SHISA6: variants seen among roughly 807,000 people sequenced by gnomAD.
SHISA6 encodes the protein protein shisa-6.
Under a neutral mutation model 47.9 loss-of-function variants are expected in SHISA6, and 22 were observed. That is an observed-to-expected ratio of 0.46 (90% CI 0.33 to 0.66). SHISA6 has a LOEUF of 0.66. Among genes scored for constraint, SHISA6 ranks in the 30% least tolerant of loss-of-function variants. The probability of loss-of-function intolerance (pLI) is 0.02; values close to 1 mark genes in which losing one functional copy is unlikely to be tolerated. For synonymous variants in SHISA6, 388 were observed against 337.8 expected (o/e 1.15, Z -1.63); for missense variants, 680 against 764.6 (o/e 0.89, Z 1.30).
chr17:11,263,581 G>C lies in SHISA6; in HGVS notation c.799+55G>C, dbSNP rs1011101994. ...TGCTGAGGCTGGTGAGAGGTTTCAGGATGTTTCTGCTCTGGTGGGGCAGGT... is the reference window on the plus strand; with the variant it reads ...TGCTGAGGCTGGTGAGAGGTTTCAGCATGTTTCTGCTCTGGTGGGGCAGGT... On this transcript the variant is annotated intron_variant, in intron 2 of 5. Coordinates refer to ENST00000441885, the MANE Select transcript of SHISA6 (RefSeq NM_207386.4). The C allele has an allele frequency of 1.9e-6, 3 of 1,543,826 alleles. No individual in the cohort carries two copies. The African/African-American group carries it at 4.1e-5, about 21-fold the overall frequency.
chr17:11,365,178 CATT>C (rs985285795), intron 2 of SHISA6, among the ~76,000 whole-genome samples: 2 of 152,032 alleles, frequency 1.3e-5, no homozygotes, highest in Non-Finnish European at 2.9e-5. Flanking sequence ...CTGTTATTAT[CATT>C]ATTATTATTA....
intron 3 of SHISA6, among the ~76,000 whole-genome samples, chr17:11,481,366 G>GTATATATATATATATATATATA (rs768989352): frequency 1.8e-5 from 2 of 110,274 alleles, no homozygotes; most frequent in African/African-American, 6.6e-5. Flanking sequence ...GTGTGTGTGT[G>GTATATATATATATATATATATA]TATATATATA....
At chr17:11,383,636 C>G (rs900105847) in intron 3 of SHISA6, among the ~76,000 whole-genome samples, 5 of 152,066 alleles carry the variant, frequency 3.3e-5, no homozygotes, top group African/African-American at 9.7e-5. Flanking sequence ...TTCTGACACC[C>G]GTTTTCAGGA....
chr17:11,356,316 TG>T (rs1453008040), intron 2 of SHISA6, among the ~76,000 whole-genome samples: 3 of 152,152 alleles, frequency 2.0e-5, no homozygotes, highest in Admixed American at 1.3e-4. Context: ...CACTGGCCTA[TG>T]TGAAGGCAGC....
Position 11,423,320 on chromosome 17 carries a change from C to CATAT in SHISA6, c.895+43817_895+43820dup, listed in dbSNP as rs1234159662. Among the ~76,000 whole-genome samples the CATAT allele has an allele frequency of 4.1e-4, 40 of 96,748 alleles. 1 individual carries two copies. The highest frequency in any genetic ancestry group is 2.0e-3 in the South Asian group (5 of 2,540). 63.5% of individuals were successfully genotyped at this position (96,748 alleles called of 152,430 possible). On this transcript the variant is annotated intron_variant, in intron 3 of 5. Transcript: ENST00000441885. ...AACATATATCTATATATGCCTGTAACATATATATAGATAGATAGATAGATA... is the reference window on the plus strand; with the variant it reads ...AACATATATCTATATATGCCTGTAACATATATATATATAGATAGATAGATAGATA...
chr17:11,498,516 T>G (rs554007554), intron 3 of SHISA6, among the ~76,000 whole-genome samples: 3 of 152,176 alleles, frequency 2.0e-5, no homozygotes, highest in African/African-American at 4.8e-5. Context: ...AGGAGAGGAA[T>G]TGGAATGTTC....
intron 2 of SHISA6, among the ~76,000 whole-genome samples, chr17:11,371,442 A>G (rs1034876518): frequency 6.6e-6 from 1 of 152,182 alleles, no homozygotes; most frequent in African/African-American, 2.4e-5. Flanking sequence ...AGAGGACCCC[A>G]GGGAGGTACA....
intron 3 of SHISA6, among the ~76,000 whole-genome samples, chr17:11,452,130 C>T (rs1324352633): frequency 1.3e-5 from 2 of 152,138 alleles, no homozygotes; most frequent in East Asian, 1.9e-4. Context: ...AGGCTCTTCA[C>T]GTAGAGCCAG....
intron 3 of SHISA6, among the ~76,000 whole-genome samples, chr17:11,524,127 C>A (rs1254070236): frequency 6.6e-6 from 1 of 152,048 alleles, no homozygotes; most frequent in African/African-American, 2.4e-5. Flanking sequence ...AATACACATA[C>A]TTTTCAGCTT....
chr17:11,266,025 G>A (rs1274363965), intron 2 of SHISA6, among the ~76,000 whole-genome samples: 18 of 152,148 alleles, frequency 1.2e-4, no homozygotes. Context: ...CAGTTGTGAT[G>A]CTTAAATTTA....
chr17:11,307,957 T>G (rs1485682779), intron 2 of SHISA6, among the ~76,000 whole-genome samples: 1 of 151,098 alleles, frequency 6.6e-6, no homozygotes, highest in East Asian at 2.0e-4. Flanking sequence ...ATGAAAGGAG[T>G]GTACTAGAAA....
intron 3 of SHISA6, among the ~76,000 whole-genome samples, chr17:11,517,053 A>G (rs910657167): frequency 6.6e-6 from 1 of 152,220 alleles, no homozygotes; most frequent in Non-Finnish European, 1.5e-5. Flanking sequence ...TTTAATGAGC[A>G]TATAGATCAT....
chr17:11,437,117 T>C (rs1257503747), intron 3 of SHISA6, among the ~76,000 whole-genome samples: 1 of 152,180 alleles, frequency 6.6e-6, no homozygotes, highest in Non-Finnish European at 1.5e-5. Context: ...GAGACAAAGA[T>C]AATATAGGAT....
intron 2 of SHISA6, among the ~76,000 whole-genome samples, chr17:11,313,050 T>C (rs1910389811): frequency 6.6e-6 from 1 of 152,196 alleles, no homozygotes; most frequent in Non-Finnish European, 1.5e-5. Flanking sequence ...CCAACTCCTC[T>C]AAAAAATATT....
chr17:11,459,574 C>G (rs1018865736), intron 3 of SHISA6, among the ~76,000 whole-genome samples: 1 of 152,136 alleles, frequency 6.6e-6, no homozygotes, highest in African/African-American at 2.4e-5. Flanking sequence ...CTGCCTGGAT[C>G]CAGCCTTCAT....
At chr17:11,497,968 T>C (rs1456900085) in intron 3 of SHISA6, among the ~76,000 whole-genome samples, 1 of 152,192 alleles carries the variant, frequency 6.6e-6, no homozygotes, top group African/African-American at 2.4e-5. Flanking sequence ...GGGTTCTCTT[T>C]CTTTATATAT....
chr17:11,430,144 A>C (rs1377961468), intron 3 of SHISA6, among the ~76,000 whole-genome samples: 1 of 152,200 alleles, frequency 6.6e-6, no homozygotes, highest in Non-Finnish European at 1.5e-5. Flanking sequence ...TAAGATTACA[A>C]GCCAGAGTTT....
chr17:11,340,416 A>T (rs1911481580), intron 2 of SHISA6, among the ~76,000 whole-genome samples: 1 of 152,188 alleles, frequency 6.6e-6, no homozygotes, highest in Non-Finnish European at 1.5e-5. Flanking sequence ...GGTCCTCATC[A>T]TGCAGCAGGC....
chr17:11,392,864 C>T (rs766406790), intron 3 of SHISA6, among the ~76,000 whole-genome samples: 1 of 152,200 alleles, frequency 6.6e-6, no homozygotes, highest in Non-Finnish European at 1.5e-5. Flanking sequence ...AGCCCCAAGC[C>T]AGGATCCACA....
Sources: gnomAD v4.1 joint callset for allele counts (sites outside exome capture counted in the v4.1 genomes callset) on GRCh38, gnomAD v4.1.1 for gene constraint, MANE v1.5 for transcripts, NCBI Gene and HGNC (gene_info 2026-07-23, HGNC 2026-07-21) for gene names.